Variants in NCKAP5 observed in about 807,000 individuals in gnomAD.
The protein encoded by NCKAP5 is NCK associated protein 5.
NCKAP5 carries 92 observed loss-of-function variants against 167.0 expected under a neutral mutation model. That is an observed-to-expected ratio of 0.55 (90% CI 0.47 to 0.66). The LOEUF is 0.66. NCKAP5 is among the 30% of genes least tolerant of loss of function. The probability of loss-of-function intolerance (pLI) is 0.00; values close to 1 mark genes in which losing one functional copy is unlikely to be tolerated. For missense variants in NCKAP5, 2,378 were observed against 2,315.0 expected (o/e 1.03, Z -0.56); for synonymous variants, 891 against 877.4 (o/e 1.02, Z -0.27).
At chr2:133,317,916 G>C (rs1464184357) in intron 3 of NCKAP5, among the ~76,000 whole-genome samples, 1 of 152,158 alleles carries the variant, frequency 6.6e-6, no homozygotes, top group African/African-American at 2.4e-5. Flanking sequence ...TAAGAATGAG[G>C]GCCTCTGCCT....
At chr2:133,633,218 A>T in the NCKAP5 span, among the ~76,000 whole-genome samples, 1 of 152,210 alleles carries the variant, frequency 6.6e-6, no homozygotes, top group African/African-American at 2.4e-5. Context: ...GACTGAGCAG[A>T]AATGTATCCA....
At chr2:133,124,029 AT>A (rs943081325) in intron 6 of NCKAP5, among the ~76,000 whole-genome samples, 7 of 152,182 alleles carry the variant, frequency 4.6e-5, no homozygotes, top group African/African-American at 1.7e-4. Context: ...AACCATCTCC[AT>A]TTACGACTCC....
chr2:133,061,395 G>A (rs1462588524), intron 6 of NCKAP5, among the ~76,000 whole-genome samples: 8 of 152,170 alleles, frequency 5.3e-5, no homozygotes, highest in Non-Finnish European at 8.8e-5. Context: ...CTCAAAACTC[G>A]CATTCTAGAA....
Position 133,401,262 on chromosome 2 carries a change from T to G in NCKAP5, c.70-98152A>C, listed in dbSNP as rs78599730. ...AGAGAGCATAGAAACTCCATTCCCC[T>G]GCTCCTCACATCTTGCCTAGAATCT... On this transcript the variant is annotated intron_variant, in intron 3 of 19. Coordinates refer to ENST00000409261, the MANE Select transcript of NCKAP5 (RefSeq NM_207363.3). Among the ~76,000 whole-genome samples, 1,082 of 152,366 alleles carry G rather than the reference T, an allele frequency of 7.1e-3. 17 individuals carry two copies. The highest frequency in any genetic ancestry group is 0.025 in the African/African-American group (1,027 of 41,588).
chr2:133,185,344 C>T (rs188701050), intron 5 of NCKAP5, among the ~76,000 whole-genome samples: 18 of 152,098 alleles, frequency 1.2e-4, no homozygotes, highest in South Asian at 2.1e-4. Context: ...ACCAGTACCA[C>T]GGTGTTTTGG....
At chr2:133,611,454 A>G in the NCKAP5 span, among the ~76,000 whole-genome samples, 5 of 152,330 alleles carry the variant, frequency 3.3e-5, no homozygotes, top group South Asian at 1.0e-3. Context: ...CCAGGATGAC[A>G]GGTTCATGAG....
intron 5 of NCKAP5, among the ~76,000 whole-genome samples, chr2:133,193,300 C>A (rs2085306527): frequency 1.3e-5 from 2 of 151,464 alleles, no homozygotes; most frequent in African/African-American, 4.9e-5. Context: ...CGTAAGGGAT[C>A]CATGTGGTGG....
At chr2:132,878,070 A>G (rs1691422147) in intron 9 of NCKAP5, among the ~76,000 whole-genome samples, 1 of 152,186 alleles carries the variant, frequency 6.6e-6, no homozygotes, top group African/African-American at 2.4e-5. Context: ...AGAACTTGTC[A>G]GGGAGCGAAT....
chr2:132,800,453 G>A (rs1373153064), intron 11 of NCKAP5, among the ~76,000 whole-genome samples: 1 of 152,180 alleles, frequency 6.6e-6, no homozygotes, highest in Non-Finnish European at 1.5e-5. Flanking sequence ...CTCAGTAACT[G>A]AGATTCAACT....
chr2:133,533,811 C>T (rs1685546677), intron 2 of NCKAP5, among the ~76,000 whole-genome samples: 1 of 151,966 alleles, frequency 6.6e-6, no homozygotes, highest in African/African-American at 2.4e-5. Flanking sequence ...GACATTGCAG[C>T]CCAGAAATTT....
chr2:133,497,003 T>C (rs1432939163), intron 3 of NCKAP5, among the ~76,000 whole-genome samples: 1 of 152,196 alleles, frequency 6.6e-6, no homozygotes, highest in Admixed American at 6.5e-5. Flanking sequence ...GAGAATTACT[T>C]AGCACTTACT....
rs1260530939 is a variant in NCKAP5, at chr2:133,018,889, G to C, written c.342-24650C>G. Among the ~76,000 whole-genome samples, 3 of 152,172 alleles carry C rather than the reference G, an allele frequency of 2.0e-5. No homozygotes were observed. The South Asian group carries it at 6.2e-4, about 32-fold the overall frequency. On this transcript the variant is annotated intron_variant, in intron 6 of 19. Coordinates refer to ENST00000409261, the MANE Select transcript of NCKAP5 (RefSeq NM_207363.3). ...ACATGCCTAGAAGGTGTGCCAAGTG[G>C]AGGGTGCCTAAAAGACTTTCTACCC...
chr2:133,391,737 G>A (rs1402521604), intron 3 of NCKAP5, among the ~76,000 whole-genome samples: 2 of 152,080 alleles, frequency 1.3e-5, no homozygotes, highest in Non-Finnish European at 2.9e-5. Flanking sequence ...TGCCTCTAGT[G>A]TTGCTAGCTA....
chr2:132,924,671 G>A (rs1437460738), intron 8 of NCKAP5, among the ~76,000 whole-genome samples: 1 of 152,114 alleles, frequency 6.6e-6, no homozygotes, highest in African/African-American at 2.4e-5. Flanking sequence ...GATTATGAAA[G>A]GTTTAAATAA....
intron 5 of NCKAP5, among the ~76,000 whole-genome samples, chr2:133,156,509 T>C (rs1402764923): frequency 2.0e-5 from 3 of 152,190 alleles, no homozygotes; most frequent in Non-Finnish European, 2.9e-5. Context: ...AAAAATTGTA[T>C]ATGCCTTTCA....
At chr2:133,298,825 A>C (rs900099074) in intron 4 of NCKAP5, among the ~76,000 whole-genome samples, 1 of 152,186 alleles carries the variant, frequency 6.6e-6, no homozygotes, top group Non-Finnish European at 1.5e-5. Context: ...AAAGGATACA[A>C]CCATACATGT....
At chr2:132,952,602 C>T (rs1052736138) in intron 8 of NCKAP5, among the ~76,000 whole-genome samples, 2 of 152,128 alleles carry the variant, frequency 1.3e-5, no homozygotes, top group African/African-American at 2.4e-5. Context: ...AATGGAGATG[C>T]TAATAAAACC....
At chr2:133,564,218 C>CT (rs1688384695) in intron 1 of NCKAP5, among the ~76,000 whole-genome samples, 2 of 152,154 alleles carry the variant, frequency 1.3e-5, no homozygotes, top group South Asian at 4.2e-4. Flanking sequence ...ATTACTTAAC[C>CT]TTTCTGAGCA....
At chr2:133,438,913 A>G (rs1369507) in intron 3 of NCKAP5, among the ~76,000 whole-genome samples, 44,787 of 152,108 alleles carry the variant, frequency 0.29, 6,939 homozygotes, top group African/African-American at 0.35. Flanking sequence ...AATAATTTCA[A>G]TTTTCTCTGA....
Sources: allele counts gnomAD v4.1 joint callset (sites outside exome capture counted in the v4.1 genomes callset), GRCh38; gene constraint gnomAD v4.1.1; transcripts MANE v1.5; gene names NCBI Gene and HGNC (gene_info 2026-07-23, HGNC 2026-07-21).